PCDHA3: variants seen among roughly 807,000 people sequenced by gnomAD.
PCDHA3 encodes protocadherin alpha-3.
Under a neutral mutation model 62.2 loss-of-function variants are expected in PCDHA3, and 41 were observed. That is an observed-to-expected ratio of 0.66 (90% CI 0.51 to 0.86). PCDHA3 has a LOEUF of 0.86. Among genes scored for constraint, PCDHA3 ranks in the 40% least tolerant of loss-of-function variants. The probability of loss-of-function intolerance (pLI) is 0.00; values close to 1 mark genes in which losing one functional copy is unlikely to be tolerated. For synonymous variants in PCDHA3, 640 were observed against 555.4 expected, an observed-to-expected ratio of 1.15 and a Z score of -2.14; for missense variants, 1,304 against 1,241.2, an observed-to-expected ratio of 1.05 and a Z score of -0.76.
At chr5:140,987,963 T>C (rs2097275753) in intron 3 of PCDHA3, among the ~76,000 whole-genome samples, 1 of 152,190 alleles carries the variant, frequency 6.6e-6, no homozygotes, top group Non-Finnish European at 1.5e-5. Context: ...CAACTCCCCA[T>C]GGAAAGACTC....
intron 1 of PCDHA3, chr5:140,858,018 C>G (rs1562532510): frequency 6.3e-7 from 1 of 1,596,908 alleles, no homozygotes; most frequent in Non-Finnish European, 8.6e-7. Flanking sequence ...GGCGAGCCGT[C>G]GCTGACGGCC....
At chr5:140,884,206 C>T (rs1554181328) in intron 1 of PCDHA3, 1 of 1,613,542 alleles carries the variant, frequency 6.2e-7, no homozygotes, top group Admixed American at 1.7e-5. Context: ...CGCACCACCG[C>T]CTTCTGGTGC....
rs782395968 is a variant in PCDHA3, at chr5:141,011,916, A to G, written c.*1979A>G. ...TATTATCTATTTAGGCATTAATATA[A>G]AAGAGGTAGGAGTCTGTTATTTAAA... On this transcript the variant is annotated 3_prime_UTR_variant, in exon 4 of 4. Coordinates refer to ENST00000522353, the MANE Select transcript of PCDHA3 (RefSeq NM_018906.3). 4 of 153,828 alleles carry G rather than the reference A, an allele frequency of 2.6e-5. No individual in the cohort carries two copies. The highest frequency in any genetic ancestry group is 4.4e-5 in the Non-Finnish European group (3 of 68,030). 9.5% of individuals were successfully genotyped at this position (153,828 alleles called of 1,614,324 possible). A position where few individuals can be genotyped will look rare whatever the true frequency, so the allele number is the denominator to read the frequency against.
At chr5:140,985,047 C>T (rs1417890181) in intron 3 of PCDHA3, among the ~76,000 whole-genome samples, 5 of 152,076 alleles carry the variant, frequency 3.3e-5, no homozygotes, top group African/African-American at 9.7e-5. Context: ...AAGTGATTCT[C>T]CTGCCTCAGC....
chr5:140,861,110 T>C (rs2046757682), intron 1 of PCDHA3: 1 of 152,560 alleles, frequency 6.6e-6, no homozygotes, highest in Non-Finnish European at 1.5e-5. Flanking sequence ...CTTTAAAAAC[T>C]ACAAACACCC....
In PCDHA3 at chr5:140,829,234, C is replaced by T. The variant is rs140237774; in HGVS notation, c.2394+25643C>T. On this transcript the variant is annotated intron_variant, in intron 1 of 3. Coordinates refer to ENST00000522353, the MANE Select transcript of PCDHA3 (RefSeq NM_018906.3). ...GCGTGAACGACCTCGATTCAGGTGC[C>T]AACGGGCAGGTGAACTGCTCGCTGA... The T allele has an allele frequency of 3.7e-6, 6 of 1,614,136 alleles. No homozygotes were observed. In the African/African-American group the frequency reaches 6.7e-5, roughly 18 times the overall value.
At chr5:140,997,978 C>T (rs1205743045) in intron 3 of PCDHA3, among the ~76,000 whole-genome samples, 2 of 152,182 alleles carry the variant, frequency 1.3e-5, no homozygotes, top group African/African-American at 2.4e-5. Context: ...TTGGACTGCA[C>T]TTGTTACATA....
chr5:140,822,988 T>C, intron 1 of PCDHA3: 1 of 1,614,222 alleles, frequency 6.2e-7, no homozygotes, highest in South Asian at 1.1e-5. Context: ...GAATTACTAC[T>C]CGTTGGTGCT....
intron 1 of PCDHA3, chr5:140,807,126 A>T: frequency 6.4e-7 from 1 of 1,551,116 alleles, no homozygotes; most frequent in Non-Finnish European, 8.7e-7. Context: ...CTGACCGATT[A>T]AAAGATTTCC....
intron 1 of PCDHA3, among the ~76,000 whole-genome samples, chr5:140,950,025 T>C (rs907309880): frequency 6.6e-6 from 1 of 151,922 alleles, no homozygotes; most frequent in East Asian, 1.9e-4. Context: ...TCATAAAATA[T>C]AGAAAAGTTA....
intron 1 of PCDHA3, chr5:140,849,320 G>A (rs1562454724): frequency 1.5e-6 from 2 of 1,335,992 alleles, no homozygotes; most frequent in East Asian, 2.4e-5. Context: ...GCTTGAATGG[G>A]GATATTATTT....
chr5:140,848,763 A>G, intron 1 of PCDHA3: 3 of 1,593,392 alleles, frequency 1.9e-6, no homozygotes, highest in Non-Finnish European at 2.6e-6. Context: ...GAATTCTCGG[A>G]TCGACCGCGA....
intron 3 of PCDHA3, among the ~76,000 whole-genome samples, chr5:141,000,919 A>AT (rs2097975024): frequency 6.6e-6 from 1 of 152,134 alleles, no homozygotes; most frequent in Non-Finnish European, 1.5e-5. Flanking sequence ...AAAAAAAAAA[A>AT]TCCTGTGTGA....
At chr5:140,824,440 T>A in intron 1 of PCDHA3, 1 of 476,522 alleles carries the variant, frequency 2.1e-6, no homozygotes, top group East Asian at 3.6e-5. Context: ...AGTTTCAGTT[T>A]ATGACTACAT....
intron 3 of PCDHA3, among the ~76,000 whole-genome samples, chr5:140,995,850 C>T (rs924455609): frequency 3.9e-5 from 6 of 152,080 alleles, no homozygotes; most frequent in African/African-American, 1.4e-4. Context: ...ACATTTCTAT[C>T]GTATCACTTA....
rs142720081 is a variant in PCDHA3, at chr5:141,009,771, T to G, written c.2687T>G (p.Ile896Ser). 1 of 1,614,082 alleles carries G rather than the reference T, an allele frequency of 6.2e-7. No individual in the cohort carries two copies. The change falls in exon 4 of 4, where the codon ATC becomes AGC. Residue 896 changes from isoleucine to serine, a missense_variant. Physicochemically the swap from Ile to Ser is moderately radical, Grantham distance 142. Transcript: ENST00000522353. ...DKFIIPGSPA[I>S]ISIRQEPTNS... ...TTCATTATCCCAGGATCTCCTGCAA[T>G]CATCTCCATCCGGCAGGAGCCTACT...
intron 1 of PCDHA3, chr5:140,824,499 T>C (rs1768140720): frequency 3.1e-6 from 1 of 327,260 alleles, no homozygotes; most frequent in African/African-American, 2.2e-5. Context: ...CTTTGTTGCT[T>C]AGTCTGCAGT....
chr5:140,966,499 A>AGCG (rs1178498918), intron 1 of PCDHA3: 4 of 431,834 alleles, frequency 9.3e-6, no homozygotes, highest in Non-Finnish European at 1.6e-5. Flanking sequence ...CTGGAGCTGT[A>AGCG]GCGGCAGCAG....
intron 1 of PCDHA3, chr5:140,843,614 C>A: frequency 6.3e-7 from 1 of 1,596,062 alleles, no homozygotes; most frequent in Non-Finnish European, 8.6e-7. Flanking sequence ...TGAGGGGCCA[C>A]CGAAGACGGA....
Sources: gnomAD v4.1 joint callset for allele counts (sites outside exome capture counted in the v4.1 genomes callset) on GRCh38, gnomAD v4.1.1 for gene constraint, MANE v1.5 for transcripts, NCBI Gene and HGNC (gene_info 2026-07-23, HGNC 2026-07-21) for gene names.